The following AGBL1 variants were observed in gnomAD, a reference collection of about 807,000 sequenced individuals.
AGBL1 encodes the protein cytosolic carboxypeptidase 4.
Under a neutral mutation model 118.9 loss-of-function variants are expected in AGBL1, and 130 were observed. The observed-to-expected ratio is 1.09, with a 90% confidence interval of 0.95 to 1.26. The LOEUF is 1.26. Among genes scored for constraint, AGBL1 ranks in the 50% most tolerant of loss-of-function variants. AGBL1 has a pLI of 0.00. For synonymous variants in AGBL1, 555 were observed against 478.9 expected (o/e 1.16, Z -2.08); for missense variants, 1,584 against 1,298.1 (o/e 1.22, Z -3.38).
chr15:86,299,250 G>A (rs985443874), intron 17 of AGBL1, among the ~76,000 whole-genome samples: 1 of 152,120 alleles, frequency 6.6e-6, no homozygotes, highest in African/African-American at 2.4e-5. Context: ...CCTTTTCAGT[G>A]GGACAGTGAA....
At chr15:86,587,744 A>T (rs1359054155) in intron 21 of AGBL1, among the ~76,000 whole-genome samples, 1 of 152,238 alleles carries the variant, frequency 6.6e-6, no homozygotes, top group Non-Finnish European at 1.5e-5. Context: ...GAGTACCCAC[A>T]TGCAACCGCA....
At chr15:86,673,289 C>T (rs1477712133) in intron 21 of AGBL1, among the ~76,000 whole-genome samples, 2 of 152,120 alleles carry the variant, frequency 1.3e-5, no homozygotes, top group Non-Finnish European at 2.9e-5. Context: ...TTCCATTTTA[C>T]AGATGAGAAA....
At chr15:86,602,479 G>T (rs1172512923) in intron 21 of AGBL1, among the ~76,000 whole-genome samples, 1 of 152,158 alleles carries the variant, frequency 6.6e-6, no homozygotes, top group Non-Finnish European at 1.5e-5. Context: ...AAAATATACA[G>T]CCTTGATTTG....
chr15:86,919,777 G>T (rs72754046), downstream of AGBL1, among the ~76,000 whole-genome samples: 7,867 of 152,284 alleles, frequency 0.052, 210 homozygotes, highest in Middle Eastern at 0.071. Context: ...AATTGGTGTT[G>T]TAATACCTTG....
intron 1 of AGBL1, among the ~76,000 whole-genome samples, chr15:86,081,365 T>C (rs1370996305): frequency 3.3e-5 from 5 of 152,146 alleles, no homozygotes; most frequent in Admixed American, 6.5e-5. Context: ...CTTAAGAAGA[T>C]TTGTATTCCT....
At chr15:86,919,900 G>A (rs2080467879), downstream of AGBL1, among the ~76,000 whole-genome samples, 1 of 152,194 alleles carries the variant, frequency 6.6e-6, no homozygotes, top group Non-Finnish European at 1.5e-5. Flanking sequence ...GGAGTAGGCA[G>A]GGGCTGCCTG....
chr15:86,376,823 G>A (rs1370122923), intron 17 of AGBL1, among the ~76,000 whole-genome samples: 2 of 152,220 alleles, frequency 1.3e-5, no homozygotes, highest in Non-Finnish European at 2.9e-5. Flanking sequence ...ACATTCTAGG[G>A]GCACAGGGGG....
At chr15:86,532,697 C>T (rs1389926641) in intron 19 of AGBL1, among the ~76,000 whole-genome samples, 2 of 151,708 alleles carry the variant, frequency 1.3e-5, no homozygotes, top group African/African-American at 4.9e-5. Flanking sequence ...ATCAGACTAC[C>T]TGACTTCAAA....
intron 1 of AGBL1, among the ~76,000 whole-genome samples, chr15:86,141,434 G>T (rs147379109): frequency 6.6e-6 from 1 of 152,278 alleles, no homozygotes; most frequent in South Asian, 2.1e-4. Flanking sequence ...GGCAGATAAC[G>T]TGGTCAGGAG....
At chr15:87,002,055 T>G (rs1167612459) in intron 24 of AGBL1, among the ~76,000 whole-genome samples, 6 of 152,100 alleles carry the variant, frequency 3.9e-5, no homozygotes. Flanking sequence ...TCCTTGCCCA[T>G]GCCTATGTCC....
intron 22 of AGBL1, among the ~76,000 whole-genome samples, chr15:86,794,602 A>C (rs941971181): frequency 2.0e-5 from 3 of 152,150 alleles, no homozygotes; most frequent in African/African-American, 7.2e-5. Context: ...ATTAAAGTGG[A>C]GAACTTTATA....
At chr15:86,625,350 G>A (rs1214285981) in intron 21 of AGBL1, among the ~76,000 whole-genome samples, 1 of 135,286 alleles carries the variant, frequency 7.4e-6, no homozygotes, top group Admixed American at 8.4e-5. Flanking sequence ...AGCCTCCAAG[G>A]TAGAAGAAAT....
At chr15:87,029,766 A>G (rs1278201597), downstream of AGBL1, among the ~76,000 whole-genome samples, 1 of 151,894 alleles carries the variant, frequency 6.6e-6, no homozygotes, top group Non-Finnish European at 1.5e-5. Context: ...ATAACTCACA[A>G]CAGCTAATAA....
chr15:86,315,484 G>A (rs540702477), intron 17 of AGBL1, among the ~76,000 whole-genome samples: 1 of 152,088 alleles, frequency 6.6e-6, no homozygotes, highest in South Asian at 2.1e-4. Context: ...TGGAGGCCAA[G>A]GCAGGCGGAT....
chr15:86,795,143 C>A (rs2078551402), intron 22 of AGBL1, among the ~76,000 whole-genome samples: 1 of 152,204 alleles, frequency 6.6e-6, no homozygotes, highest in Non-Finnish European at 1.5e-5. Flanking sequence ...CAAGGCCCAG[C>A]CCTGGCACTT....
chr15:86,821,225 T>C (rs542979676), intron 22 of AGBL1, among the ~76,000 whole-genome samples: 1 of 152,216 alleles, frequency 6.6e-6, no homozygotes, highest in South Asian at 2.1e-4. Context: ...ATACCTAATA[T>C]AGATGACGGG....
At chr15:86,306,180 TTTAAG>T (rs1356785829) in intron 17 of AGBL1, among the ~76,000 whole-genome samples, 2 of 152,134 alleles carry the variant, frequency 1.3e-5, no homozygotes, top group African/African-American at 2.4e-5. Context: ...AGTTACATTA[TTTAAG>T]TTATTTCAAA....
intron 22 of AGBL1, among the ~76,000 whole-genome samples, chr15:86,835,307 T>C (rs2079156472): frequency 6.6e-6 from 1 of 152,152 alleles, no homozygotes; most frequent in Non-Finnish European, 1.5e-5. Flanking sequence ...ATAGAAGACA[T>C]GATCTAGTTG....
At position 86,079,914 on chromosome 15, in the gene AGBL1, G is replaced by A. The variant is rs1266186662; in HGVS notation, c.-59G>A. The stretch of plus-strand genomic sequence containing the variant: ...GGGCAGCGAGGTCAGCTTGGCAGCC[G>A]CTGCCTCTCCAGCCTGGATCTGGCC... On this transcript the variant is annotated 5_prime_UTR_variant, in exon 1 of 23. Transcript: ENST00000614907. The A allele has an allele frequency of 1.5e-5, 18 of 1,205,910 alleles. No individual in the cohort carries two copies. Among genetic ancestry groups the A allele is most frequent in the East Asian group, 3.2e-5 (1 of 31,610 alleles). The allele number at this position is 1,205,910 out of a possible 1,614,324, so 74.7% of individuals were successfully genotyped here.
Sources: gnomAD v4.1 joint callset for allele counts (sites outside exome capture counted in the v4.1 genomes callset) on GRCh38, gnomAD v4.1.1 for gene constraint, MANE v1.5 for transcripts, NCBI Gene and HGNC (gene_info 2026-07-23, HGNC 2026-07-21) for gene names.